The following PIK3C2G variants were observed in gnomAD, a reference collection of about 807,000 sequenced individuals.
PIK3C2G encodes the protein phosphatidylinositol-4-phosphate 3-kinase catalytic subunit type 2 gamma.
A neutral mutation model predicts 181.1 loss-of-function variants in PIK3C2G; 168 were observed. The observed-to-expected ratio is 0.93, with a 90% CI of 0.82 to 1.05. The LOEUF (loss-of-function observed/expected upper bound fraction) is 1.05, where lower values mean the gene tolerates loss of function less well. Among genes scored for constraint, PIK3C2G ranks in the 50% least tolerant of loss-of-function variants. The pLI is 0.00. For missense variants in PIK3C2G, 1,869 were observed against 1,732.8 expected, an observed-to-expected ratio of 1.08 and a Z score of -1.40; for synonymous variants, 573 against 592.2, an observed-to-expected ratio of 0.97 and a Z score of 0.47.
At chr12:18,622,514 A>G (rs192975908) in intron 31 of PIK3C2G, among the ~76,000 whole-genome samples, 142 of 152,108 alleles carry the variant, frequency 9.3e-4, no homozygotes, top group Admixed American at 2.0e-3. Context: ...GCTGCAATAA[A>G]TATGGCAGTG....
At chr12:18,696,364 TA>T in the PIK3C2G span, 3 of 186,376 alleles carry the variant, frequency 1.6e-5, no homozygotes, top group South Asian at 3.8e-4. Context: ...TATAATTCTA[TA>T]ATAGTTTCAA....
the PIK3C2G span, among the ~76,000 whole-genome samples, chr12:18,710,793 T>G: frequency 6.6e-6 from 1 of 152,264 alleles, no homozygotes; most frequent in Non-Finnish European, 1.5e-5. Flanking sequence ...ATGCTCATCA[T>G]CACTGGCCGT....
chr12:18,252,667 T>C (rs1376896075), intron 1 of PIK3C2G, among the ~76,000 whole-genome samples: 2 of 152,192 alleles, frequency 1.3e-5, no homozygotes, highest in African/African-American at 2.4e-5. Context: ...CAGCAAGGCC[T>C]GTTTGTTCAA....
At chr12:18,418,357 C>T (rs1048059722) in intron 16 of PIK3C2G, among the ~76,000 whole-genome samples, 8 of 151,978 alleles carry the variant, frequency 5.3e-5, no homozygotes, top group Admixed American at 2.0e-4. Context: ...TTACAGTGTG[C>T]ACAAAGGTGA....
chr12:18,404,713 GAA>G (rs1327495617), intron 16 of PIK3C2G, among the ~76,000 whole-genome samples: 2 of 152,108 alleles, frequency 1.3e-5, no homozygotes, highest in Non-Finnish European at 2.9e-5. Flanking sequence ...AAACAAAGTT[GAA>G]AATGGTGGTT....
intron 24 of PIK3C2G, among the ~76,000 whole-genome samples, chr12:18,505,837 C>T (rs1941794687): frequency 6.6e-6 from 1 of 152,152 alleles, no homozygotes; most frequent in Admixed American, 6.5e-5. Flanking sequence ...CTGGTCTACA[C>T]ATATTAATAC....
At chr12:18,700,776 A>G in the PIK3C2G span, among the ~76,000 whole-genome samples, 1 of 152,118 alleles carries the variant, frequency 6.6e-6, no homozygotes, top group Admixed American at 6.6e-5. Context: ...TATTTAAACC[A>G]GCTGGATTGG....
chr12:18,416,422 A>T (rs1945184768), intron 16 of PIK3C2G, among the ~76,000 whole-genome samples: 1 of 152,166 alleles, frequency 6.6e-6, no homozygotes, highest in African/African-American at 2.4e-5. Context: ...AATATAGATG[A>T]AACAACCTTC....
intron 29 of PIK3C2G, among the ~76,000 whole-genome samples, chr12:18,569,234 G>T (rs1164365801): frequency 1.3e-5 from 2 of 152,026 alleles, no homozygotes; most frequent in Non-Finnish European, 2.9e-5. Flanking sequence ...CCCTGAGTCT[G>T]CCCGGCAGAG....
intron 5 of PIK3C2G, among the ~76,000 whole-genome samples, chr12:18,308,757 A>T (rs1591905189): frequency 1.3e-5 from 2 of 151,698 alleles, no homozygotes; most frequent in East Asian, 3.8e-4. Flanking sequence ...TAATTGAGAA[A>T]TTTTTTAAAT....
intron 4 of PIK3C2G, among the ~76,000 whole-genome samples, chr12:18,292,556 C>A (rs189045744): frequency 6.6e-6 from 1 of 152,078 alleles, no homozygotes; most frequent in Admixed American, 6.6e-5. Flanking sequence ...GCACCTTGAT[C>A]CAATCAGAAA....
intron 5 of PIK3C2G, among the ~76,000 whole-genome samples, chr12:18,300,572 A>T (rs1200988756): frequency 6.6e-6 from 1 of 152,056 alleles, no homozygotes; most frequent in Non-Finnish European, 1.5e-5. Context: ...CCATTCAACC[A>T]ATCTGTATCT....
At chr12:18,442,359 A>C (rs1344636426) in intron 18 of PIK3C2G, among the ~76,000 whole-genome samples, 3 of 152,138 alleles carry the variant, frequency 2.0e-5, no homozygotes, top group Non-Finnish European at 2.9e-5. Flanking sequence ...AAAAGTTTAC[A>C]TCTTCCTTAG....
At chr12:18,560,841 GA>G (rs1945308711) in intron 26 of PIK3C2G, among the ~76,000 whole-genome samples, 2 of 152,220 alleles carry the variant, frequency 1.3e-5, no homozygotes, top group South Asian at 4.1e-4. Flanking sequence ...GCATGTTTTA[GA>G]AAAACTACTG....
At chr12:18,427,429 C>T (rs914209158) in intron 18 of PIK3C2G, among the ~76,000 whole-genome samples, 4 of 149,880 alleles carry the variant, frequency 2.7e-5, no homozygotes, top group African/African-American at 9.8e-5. Context: ...ATTGCTGGAA[C>T]CCGGGAGGTT....
intron 29 of PIK3C2G, among the ~76,000 whole-genome samples, chr12:18,571,482 CT>C (rs1200317677): frequency 6.6e-6 from 1 of 150,754 alleles, no homozygotes; most frequent in African/African-American, 2.5e-5. Flanking sequence ...CTAACTACTT[CT>C]CATTATCTTC....
intron 32 of PIK3C2G, 60 bp downstream of exon 32, chr12:18,640,614 A>G: frequency 6.8e-7 from 1 of 1,460,834 alleles, no homozygotes; most frequent in Non-Finnish European, 9.3e-7. Context: ...TTTTCAGCTT[A>G]ACAACCAAAT....
chr12:18,434,953 C>A (rs575660785), intron 18 of PIK3C2G, among the ~76,000 whole-genome samples: 1 of 151,292 alleles, frequency 6.6e-6, no homozygotes, highest in South Asian at 2.1e-4. Flanking sequence ...ACAAATAATT[C>A]CAAGAGATTT....
rs755735702 is a variant in PIK3C2G, at chr12:18,290,902, A to C, written c.809A>C (p.Lys270Thr). The C allele has an allele frequency of 1.3e-5, 21 of 1,602,020 alleles. No individual in the cohort carries two copies. The highest frequency in any genetic ancestry group is 3.3e-4 in the Middle Eastern group (2 of 6,064). Reference sequence around the variant, plus strand: ...GCTGATGTTAATTTCAATTCTGGGAAGATCTGGAGCACTACTACAGCATTT... The same window carrying C: ...GCTGATGTTAATTTCAATTCTGGGACGATCTGGAGCACTACTACAGCATTT... Reference protein sequence around the residue: ...HAADVNFNSGKIWSTTTAFPY... With the variant: ...HAADVNFNSGTIWSTTTAFPY... The change falls in exon 4 of 33, where the codon AAG becomes ACG. Residue 270 changes from lysine to threonine, a missense_variant. Transcript: ENST00000538779.
Sources: gnomAD v4.1 joint callset for allele counts (sites outside exome capture counted in the v4.1 genomes callset) on GRCh38, gnomAD v4.1.1 for gene constraint, MANE v1.5 for transcripts, NCBI Gene and HGNC (gene_info 2026-07-23, HGNC 2026-07-21) for gene names.